CSMD2: variants seen among roughly 807,000 people sequenced by gnomAD.
CSMD2 encodes the protein CUB and sushi domain-containing protein 2.
Under a neutral mutation model 398.5 loss-of-function variants are expected in CSMD2, and 130 were observed. The ratio of observed to expected loss-of-function variants is 0.33; its 90% CI spans 0.28 to 0.38. The LOEUF is 0.38. Ranked by LOEUF, CSMD2 falls within the 10% of genes least tolerant of loss-of-function variation. The pLI is 1.00. For synonymous variants in CSMD2, 1,828 were observed against 1,908.5 expected (o/e 0.96, Z 1.10); for missense variants, 3,829 against 4,764.9 (o/e 0.80, Z 5.78).
At chr1:33,948,887 G>A (rs1644919122) in intron 3 of CSMD2, among the ~76,000 whole-genome samples, 1 of 152,164 alleles carries the variant, frequency 6.6e-6, no homozygotes, top group Non-Finnish European at 1.5e-5. Flanking sequence ...AGGGATCAAG[G>A]GCTGTCAGGG....
chr1:34,010,720 G>A (rs947107918), intron 3 of CSMD2, among the ~76,000 whole-genome samples: 2 of 151,982 alleles, frequency 1.3e-5, no homozygotes, highest in Non-Finnish European at 2.9e-5. Flanking sequence ...CCAGGTTCAC[G>A]CCATTCTCCT....
rs114106168 is a variant in CSMD2 at position 33,614,521 on chromosome 1, G to A, written c.6116C>T (p.Ala2039Val). 9.0e-5 allele frequency: 145 copies of A among 1,602,250 alleles called. No homozygotes were observed. The African/African-American group carries it at 1.8e-3, about 20-fold the overall frequency. ...PSNMDCSWKI[A>V]LPVGFGAHIQ... ...AGACTTACCAAAGCCCACGGGCAGT[G>A]CTATTTTCCAGGAGCAGTCCATGTT... The change falls in exon 40 of 71, where the codon GCA becomes GTA. Residue 2039 changes from alanine to valine, a missense_variant. By Grantham distance (64) the Ala-to-Val change is moderately conservative (BLOSUM62 0). Coordinates refer to ENST00000373381, the MANE Select transcript of CSMD2 (RefSeq NM_001281956.2).
rs371264652 is a variant in CSMD2, at chr1:33,788,712, G to C, written c.1551C>G (p.Ile517Met). ...QDGDQKTVLY[I>M]LTGTSVPDLI... ...GATCCGGGACCGATGTACCTGTCAG[G>C]CTGGCAGGAGAGAGATATTTAGAGG... The change falls in exon 12 of 71, where the codon ATC (isoleucine) becomes ATG (methionine). Residue 517 changes from isoleucine (I) to methionine (M), a missense_variant and splice_region_variant. Around this residue, in one of 5 missense-constraint regions of CSMD2, gnomAD observed 2,001 missense variants for 2,567.1 expected, o/e 0.78. Coordinates refer to ENST00000373381, the MANE Select transcript of CSMD2 (RefSeq NM_001281956.2). 1.3e-6 allele frequency: 2 copies of C among 1,584,918 alleles called. No homozygotes were observed. Among genetic ancestry groups the C allele is most frequent in the East Asian group, 2.2e-5 (1 of 44,714 alleles).
chr1:34,142,962 C>T (rs1639442600), intron 1 of CSMD2, among the ~76,000 whole-genome samples: 1 of 152,112 alleles, frequency 6.6e-6, no homozygotes, highest in South Asian at 2.1e-4. Context: ...TGTGTGGAAA[C>T]AGCTGTAAAA....
rs1260738995 is a variant in CSMD2, at chr1:33,515,458, AG to A, written c.*1165del. On this transcript the variant is annotated 3_prime_UTR_variant, in exon 71 of 71. Coordinates refer to ENST00000373381, the MANE Select transcript of CSMD2 (RefSeq NM_001281956.2). ...CCTTCTTAGCTGCCCCTTCTAGAAC[AG>A]GGTTTCTGGCAGCTGGTGTAGTGGA... 1 of 152,234 alleles carries A rather than the reference AG, an allele frequency of 6.6e-6. No homozygotes were observed. The highest frequency in any genetic ancestry group is 1.5e-5 in the Non-Finnish European group (1 of 68,094). The allele number at this position is 152,234 out of a possible 1,614,324, so 9.4% of individuals were successfully genotyped here.
intron 5 of CSMD2, among the ~76,000 whole-genome samples, chr1:33,876,455 G>A (rs1313373569): frequency 6.6e-6 from 1 of 152,216 alleles, no homozygotes; most frequent in East Asian, 1.9e-4. Flanking sequence ...GGAATAGAAT[G>A]AGAAGACATG....
chr1:34,051,658 AT>A (rs1653185994), intron 2 of CSMD2, among the ~76,000 whole-genome samples: 2 of 152,224 alleles, frequency 1.3e-5, no homozygotes, highest in Non-Finnish European at 2.9e-5. Context: ...CCATTCCAAG[AT>A]TTTGTCTCCT....
rs545543425 is a variant in CSMD2, at chr1:33,514,915, T to G, written c.*1709A>C. The G allele has an allele frequency of 6.6e-6, 1 of 152,280 alleles. No homozygotes were observed. Among genetic ancestry groups the G allele is most frequent in the East Asian group, 1.9e-4 (1 of 5,168 alleles). The allele number at this position is 152,280 out of a possible 1,614,324, so 9.4% of individuals were successfully genotyped here. Reference sequence around the variant, plus strand: ...GTCAGATCTTCTAATTGTTCCAATCTAGAATTTGCTTAAGAACCAGGTGTC... The same window carrying G: ...GTCAGATCTTCTAATTGTTCCAATCGAGAATTTGCTTAAGAACCAGGTGTC... On this transcript the variant is annotated 3_prime_UTR_variant, in exon 71 of 71. Coordinates refer to ENST00000373381, the MANE Select transcript of CSMD2 (RefSeq NM_001281956.2).
chr1:33,842,679 C>T (rs1410001477), intron 6 of CSMD2, among the ~76,000 whole-genome samples: 1 of 152,154 alleles, frequency 6.6e-6, no homozygotes, highest in Non-Finnish European at 1.5e-5. Flanking sequence ...AATGAATGAG[C>T]GTAGCTGTGT....
rs529704826 is a variant in CSMD2, at chr1:33,634,093, G to T, written c.5087-558C>A. ...GCAGATCAGATTGGACAGCCTTTCA[G>T]GACTTTTCTAACTGCGATCCTGCAG... is the stretch of plus-strand genomic sequence containing the variant. On this transcript the variant is annotated intron_variant, in intron 31 of 70. Coordinates refer to ENST00000373381, the MANE Select transcript of CSMD2 (RefSeq NM_001281956.2). Among the ~76,000 whole-genome samples, 32 of 152,308 alleles carry T rather than the reference G, an allele frequency of 2.1e-4. No individual in the cohort carries two copies. The South Asian group carries it at 4.1e-3, about 20-fold the overall frequency.
chr1:33,804,625 C>A, intron 10 of CSMD2: 1 of 699,724 alleles, frequency 1.4e-6, no homozygotes, highest in Non-Finnish European at 2.7e-6. Flanking sequence ...ATATCTACAT[C>A]AATGAATGAA....
At chr1:33,538,169 C>A (rs1655982316) in intron 60 of CSMD2, among the ~76,000 whole-genome samples, 2 of 152,086 alleles carry the variant, frequency 1.3e-5, no homozygotes, top group African/African-American at 4.8e-5. Flanking sequence ...TCTTCTTTCA[C>A]CTGTTTTGTT....
At chr1:33,542,146 T>C (rs1656404930) in intron 58 of CSMD2, among the ~76,000 whole-genome samples, 1 of 152,084 alleles carries the variant, frequency 6.6e-6, no homozygotes, top group Non-Finnish European at 1.5e-5. Flanking sequence ...TCCTATCTCT[T>C]CCCTCCATCT....
At chr1:33,837,342 G>T (rs1156234576) in intron 6 of CSMD2, among the ~76,000 whole-genome samples, 1 of 152,142 alleles carries the variant, frequency 6.6e-6, no homozygotes, top group Non-Finnish European at 1.5e-5. Flanking sequence ...AACATAGAAA[G>T]AACATAGAGA....
At chr1:34,025,140 C>G (rs12127322) in intron 3 of CSMD2, among the ~76,000 whole-genome samples, 7,218 of 152,300 alleles carry the variant, frequency 0.047, 221 homozygotes, top group East Asian at 0.15. Flanking sequence ...ACGGGCAGCT[C>G]TGGCTCCATC....
intron 25 of CSMD2, among the ~76,000 whole-genome samples, chr1:33,688,987 G>T (rs997446679): frequency 6.6e-6 from 1 of 151,784 alleles, no homozygotes; most frequent in Non-Finnish European, 1.5e-5. Flanking sequence ...CAAGACAGGT[G>T]TGTGTGTGTG....
At position 33,611,159 on chromosome 1, in the gene CSMD2, C is replaced by A. The variant is rs1378314700; in HGVS notation, c.6225G>T (p.Met2075Ile). ...RNGPYETSRM[M>I]GRFSGSELPS... ...GAAGCTCGCTTCCACTGAATCTTCC[C>A]ATCATGCGGCTGGTCTCATAGGGGC... Residue 2075 changes from methionine (M) to isoleucine (I), a missense_variant, in exon 41 of 71, where the codon ATG becomes ATT. Transcript: ENST00000373381. 1 of 1,614,060 alleles carries A rather than the reference C, an allele frequency of 6.2e-7. No homozygotes were observed. The highest frequency in any genetic ancestry group is 8.5e-7 in the Non-Finnish European group (1 of 1,180,026).
At chr1:33,910,229 C>A (rs542700239) in intron 5 of CSMD2, among the ~76,000 whole-genome samples, 1 of 152,324 alleles carries the variant, frequency 6.6e-6, no homozygotes, top group Admixed American at 6.5e-5. Flanking sequence ...GGCTTATGAA[C>A]AAGGGGCAGG....
chr1:34,159,899 C>A (rs1407436026), intron 1 of CSMD2, among the ~76,000 whole-genome samples: 1 of 152,240 alleles, frequency 6.6e-6, no homozygotes, highest in Non-Finnish European at 1.5e-5. Flanking sequence ...AGGTATGGCA[C>A]TGGACTCGTT....
Sources: gnomAD v4.1 joint callset for allele counts (sites outside exome capture counted in the v4.1 genomes callset) on GRCh38, gnomAD v4.1.1 for gene constraint, gnomAD v4.1.1 regional missense constraint, MANE v1.5 for transcripts, NCBI Gene and HGNC (gene_info 2026-07-23, HGNC 2026-07-21) for gene names.